The following PRKCE variants were observed in gnomAD, a reference collection of about 807,000 sequenced individuals.
PRKCE encodes protein kinase C epsilon type.
In PRKCE, 16 loss-of-function variants were observed where a neutral mutation model predicts 85.4. That is an observed-to-expected ratio of 0.19 (90% CI 0.13 to 0.28). PRKCE has a LOEUF of 0.28. PRKCE is among the 10% of genes least tolerant of loss of function. PRKCE has a pLI of 1.00. For synonymous variants in PRKCE, 388 were observed against 371.5 expected, an observed-to-expected ratio of 1.04 and a Z score of -0.51; for missense variants, 573 against 975.2, an observed-to-expected ratio of 0.59 and a Z score of 5.49.
intron 1 of PRKCE, chr2:45,677,940 C>T: frequency 1.0e-6 from 1 of 966,816 alleles, no homozygotes; most frequent in Non-Finnish European, 1.2e-6. Context: ...AGTAGCTTTC[C>T]CTGCCCTTTT....
At chr2:46,119,232 A>G (rs1329665689) in intron 11 of PRKCE, among the ~76,000 whole-genome samples, 1 of 152,154 alleles carries the variant, frequency 6.6e-6, no homozygotes, top group East Asian at 1.9e-4. Flanking sequence ...GCCTGCAATC[A>G]CTGCTGATTA....
At chr2:45,982,638 GTCC>G (rs1702985978) in intron 5 of PRKCE, among the ~76,000 whole-genome samples, 1 of 151,850 alleles carries the variant, frequency 6.6e-6, no homozygotes, top group African/African-American at 2.4e-5. Context: ...TTGTATCTGT[GTCC>G]TCCTCAGCAA....
intron 1 of PRKCE, among the ~76,000 whole-genome samples, chr2:45,747,243 C>G (rs1316777461): frequency 6.6e-6 from 1 of 152,116 alleles, no homozygotes; most frequent in Non-Finnish European, 1.5e-5. Context: ...ATCATTGTAA[C>G]CATTCTTAAG....
intron 10 of PRKCE, among the ~76,000 whole-genome samples, chr2:46,053,796 T>G (rs1288880378): frequency 1.3e-5 from 2 of 152,244 alleles, no homozygotes; most frequent in African/African-American, 2.4e-5. Context: ...TCTGCATTTT[T>G]GCAATTGCGA....
chr2:45,755,454 C>T (rs996310944), intron 1 of PRKCE, among the ~76,000 whole-genome samples: 5 of 152,214 alleles, frequency 3.3e-5, no homozygotes, highest in African/African-American at 9.7e-5. Context: ...CTTCATTCTA[C>T]AGTGACCTTC....
At position 46,068,534 on chromosome 2, in the gene PRKCE, T is replaced by C. The variant is rs1478267685; in HGVS notation, c.1438-17674T>C. On this transcript the variant is annotated intron_variant, in intron 10 of 14. Transcript: ENST00000306156. The surrounding 1 kb of genome is among the most constrained non-coding windows in gnomAD (Gnocchi z 4.3). ...GACCAGTTGAAGAAGGGTAGAAAAA[T>C]AATACCAACTTTAAAAAACTCTCTC... Among the ~76,000 whole-genome samples, 1 of 152,148 alleles carries C rather than the reference T, an allele frequency of 6.6e-6. No homozygotes were observed. Among genetic ancestry groups the C allele is most frequent in the Non-Finnish European group, 1.5e-5 (1 of 68,020 alleles).
At chr2:45,749,455 A>G (rs745834841) in intron 1 of PRKCE, among the ~76,000 whole-genome samples, 3 of 152,224 alleles carry the variant, frequency 2.0e-5, no homozygotes, top group African/African-American at 4.8e-5. Context: ...CAGTTCTGCT[A>G]CAGGACACAG....
intron 6 of PRKCE, among the ~76,000 whole-genome samples, chr2:46,000,001 A>T (rs1318670253): frequency 6.6e-6 from 1 of 152,180 alleles, no homozygotes; most frequent in Non-Finnish European, 1.5e-5. Flanking sequence ...TTGTTCTTAC[A>T]TGCTGTGTAC....
intron 1 of PRKCE, among the ~76,000 whole-genome samples, chr2:45,666,373 C>T (rs1675912786): frequency 6.6e-6 from 1 of 151,960 alleles, no homozygotes; most frequent in Non-Finnish European, 1.5e-5. Flanking sequence ...GCCCCAGTTG[C>T]CTACATAGTG....
At position 46,139,863 on chromosome 2, in the gene PRKCE, C is replaced by T. The variant is rs1227652111; in HGVS notation, c.1593-5230C>T. On this transcript the variant is annotated intron_variant, in intron 11 of 14. Transcript: ENST00000306156. This position sits in a 1 kb window ranked among gnomAD's most constrained non-coding sequence, Gnocchi z 5.2. ...ACATAACTACACCCTGCTCCAAGGG[C>T]AGCTTTTAATTCTAGTTCATGGCTG... Among the ~76,000 whole-genome samples, 1 of 152,090 alleles carries T rather than the reference C, an allele frequency of 6.6e-6. No homozygotes were observed. Among genetic ancestry groups the T allele is most frequent in the Non-Finnish European group, 1.5e-5 (1 of 68,012 alleles).
intron 2 of PRKCE, among the ~76,000 whole-genome samples, chr2:45,875,568 A>G (rs189929190): frequency 6.6e-6 from 1 of 152,346 alleles, no homozygotes; most frequent in African/African-American, 2.4e-5. Context: ...ATGGGAAAGG[A>G]GGCTTGTATA....
intron 2 of PRKCE, among the ~76,000 whole-genome samples, chr2:45,966,922 T>C (rs561211788): frequency 4.6e-5 from 7 of 152,174 alleles, no homozygotes; most frequent in African/African-American, 1.7e-4. Flanking sequence ...TCCAGGGAGA[T>C]AGAGAGATGC....
At position 45,900,586 on chromosome 2, in the gene PRKCE, A is replaced by G. The variant is rs75969316; in HGVS notation, c.412+57523A>G. On this transcript the variant is annotated intron_variant, in intron 2 of 14. Transcript: ENST00000306156. ...AGTCAAGTTCATAGAGGTAGAAAGT[A>G]GGATGGTGGTTGCCATGGGCTAGAG... 8.0e-3 allele frequency among the ~76,000 whole-genome samples: 1,226 copies of G among 152,356 alleles called. 20 individuals are homozygous for G. Among genetic ancestry groups the G allele is most frequent in the African/African-American group, 0.028 (1,181 of 41,580 alleles).
chr2:45,947,762 A>T (rs1370727559), intron 2 of PRKCE, among the ~76,000 whole-genome samples: 1 of 152,156 alleles, frequency 6.6e-6, no homozygotes, highest in Non-Finnish European at 1.5e-5. Flanking sequence ...TCTTGTGGTG[A>T]TGGTTGTTAC....
In PRKCE at chr2:45,697,859, C is replaced by T. The variant is rs1678283420; in HGVS notation, c.348+45411C>T. On this transcript the variant is annotated intron_variant, in intron 1 of 14. Coordinates refer to ENST00000306156, the MANE Select transcript of PRKCE (RefSeq NM_005400.3). This position sits in a 1 kb window ranked among gnomAD's most constrained non-coding sequence, Gnocchi z 4.2. ...TTCTTGCAGGCAGGTGGAATTTATC[C>T]CCAGATTCTTTAATTGGATGTAGTT... 6.6e-6 allele frequency: 1 copy of T among 152,528 alleles called. No individual in the cohort carries two copies. The highest frequency in any genetic ancestry group is 2.1e-4 in the South Asian group (1 of 4,820). 9.4% of individuals were successfully genotyped at this position (152,528 alleles called of 1,614,324 possible).
chr2:45,651,452 C>A (rs1055751280), upstream of PRKCE: 1 of 151,908 alleles, frequency 6.6e-6, no homozygotes. Context: ...GCGGCGGCCC[C>A]GGCTGGCCGT....
intron 10 of PRKCE, among the ~76,000 whole-genome samples, chr2:46,055,727 A>T (rs191028783): frequency 6.8e-4 from 104 of 151,928 alleles, no homozygotes; most frequent in African/African-American, 2.5e-3. Flanking sequence ...CAGTGGCAAG[A>T]TCACCGCTCA....
intron 2 of PRKCE, among the ~76,000 whole-genome samples, chr2:45,943,546 A>G (rs1052751546): frequency 1.3e-5 from 2 of 152,260 alleles, no homozygotes; most frequent in Non-Finnish European, 2.9e-5. Context: ...CAAAGACTCA[A>G]AATGGTTGAG....
chr2:46,012,967 T>C (rs1705814274), intron 10 of PRKCE, among the ~76,000 whole-genome samples: 1 of 152,134 alleles, frequency 6.6e-6, no homozygotes, highest in Non-Finnish European at 1.5e-5. Flanking sequence ...AGTTCAGATA[T>C]TTACTATCTT....
Sources: gnomAD v4.1 joint callset for allele counts (sites outside exome capture counted in the v4.1 genomes callset) on GRCh38, gnomAD v4.1.1 for gene constraint, Gnocchi (gnomAD v3.1) non-coding constraint, MANE v1.5 for transcripts, NCBI Gene and HGNC (gene_info 2026-07-23, HGNC 2026-07-21) for gene names.